XPO6: variants seen among roughly 807,000 people sequenced by gnomAD.
XPO6 encodes the protein exportin-6.
A neutral mutation model predicts 130.0 loss-of-function variants in XPO6; 3 were observed. The ratio of observed to expected loss-of-function variants is 0.02; its 90% CI spans 0.01 to 0.06. The LOEUF is 0.06. Among genes scored for constraint, XPO6 ranks in the 10% least tolerant of loss-of-function variants. The probability of loss-of-function intolerance (pLI) is 1.00; values close to 1 mark genes in which losing one functional copy is unlikely to be tolerated. For missense variants in XPO6, 970 were observed against 1,393.0 expected (o/e 0.70, Z 4.83); for synonymous variants, 524 against 548.9 (o/e 0.95, Z 0.63).
At chr16:28,139,540 A>C (rs1419934221) in intron 9 of XPO6, among the ~76,000 whole-genome samples, 2 of 152,190 alleles carry the variant, frequency 1.3e-5, no homozygotes, top group Non-Finnish European at 2.9e-5. Context: ...AGAGCTATAA[A>C]ATATGAATGA....
At chr16:28,182,039 C>G (rs571118429) in intron 1 of XPO6, among the ~76,000 whole-genome samples, 4 of 152,302 alleles carry the variant, frequency 2.6e-5, no homozygotes, top group South Asian at 2.1e-4. Flanking sequence ...ATTCCCAAAC[C>G]ATTTTTGAGT....
At chr16:28,127,897 G>A (rs762398364) in intron 12 of XPO6, among the ~76,000 whole-genome samples, 1 of 152,176 alleles carries the variant, frequency 6.6e-6, no homozygotes, top group Non-Finnish European at 1.5e-5. Context: ...ACTCCACAAG[G>A]ACAGCAGTGC....
intron 8 of XPO6, among the ~76,000 whole-genome samples, chr16:28,149,724 CA>C (rs1467983675): frequency 2.6e-5 from 4 of 152,160 alleles, no homozygotes; most frequent in African/African-American, 4.8e-5. Context: ...GATGTACACA[CA>C]ACGATGACAT....
chr16:28,111,514 T>A lies in XPO6; in HGVS notation c.2341+303A>T, dbSNP rs1469633344. On this transcript the variant is annotated intron_variant, in intron 17 of 23. Coordinates refer to ENST00000304658, the MANE Select transcript of XPO6 (RefSeq NM_015171.4). ...AAATAGATCAATAACCACCTTAAGA[T>A]GTATTTTATAGACAGAAGGCACCAT... 6 of 269,618 alleles carry A rather than the reference T, an allele frequency of 2.2e-5. No individual in the cohort carries two copies. In the Admixed American group the frequency reaches 2.9e-4, roughly 13 times the overall value. 16.7% of individuals were successfully genotyped at this position (269,618 alleles called of 1,614,324 possible).
chr16:28,196,504 T>A (rs906900250), intron 1 of XPO6, among the ~76,000 whole-genome samples: 2 of 152,176 alleles, frequency 1.3e-5, no homozygotes, highest in African/African-American at 4.8e-5. Context: ...TTACACAACA[T>A]GGTGAATGCA....
chr16:28,117,914 A>G (rs2141258807), intron 14 of XPO6, among the ~76,000 whole-genome samples: 1 of 152,330 alleles, frequency 6.6e-6, no homozygotes, highest in South Asian at 2.1e-4. Flanking sequence ...ACTGCACCAC[A>G]CATTCCACCT....
chr16:28,140,447 A>G (rs2042868982), intron 9 of XPO6, among the ~76,000 whole-genome samples: 1 of 152,166 alleles, frequency 6.6e-6, no homozygotes, highest in African/African-American at 2.4e-5. Context: ...TGGGAGGCCA[A>G]GGCGGGCGGA....
chr16:28,203,653 G>A lies in XPO6; in HGVS notation c.3+7713C>T, dbSNP rs770597215. On this transcript the variant is annotated intron_variant, in intron 1 of 23. Coordinates refer to ENST00000304658, the MANE Select transcript of XPO6 (RefSeq NM_015171.4). The stretch of plus-strand genomic sequence containing the variant: ...TCCTACCAAATCCAAATCACCAACT[G>A]ATTAAAACTTTCTACTACTCTCAAT... Among the ~76,000 whole-genome samples, 5 of 152,078 alleles carry A rather than the reference G, an allele frequency of 3.3e-5. 1 individual carries two copies. The highest frequency in any genetic ancestry group is 2.6e-4 in the Admixed American group (4 of 15,252).
At chr16:28,162,810 C>T (rs2043298117) in intron 6 of XPO6, among the ~76,000 whole-genome samples, 1 of 152,132 alleles carries the variant, frequency 6.6e-6, no homozygotes, top group Non-Finnish European at 1.5e-5. Flanking sequence ...CTCACCTCGG[C>T]CCCCCAAAGT....
chr16:28,187,897 G>A (rs1035750810), intron 1 of XPO6, among the ~76,000 whole-genome samples: 4 of 151,754 alleles, frequency 2.6e-5, no homozygotes, highest in Non-Finnish European at 5.9e-5. Flanking sequence ...CTGCTCACAC[G>A]CAGATTCAAT....
chr16:28,208,075 G>C (rs1410427298), intron 1 of XPO6, among the ~76,000 whole-genome samples: 1 of 152,166 alleles, frequency 6.6e-6, no homozygotes, highest in Non-Finnish European at 1.5e-5. Context: ...GAATCCAGGA[G>C]GCAGAGGTTG....
At chr16:28,169,604 G>T in intron 5 of XPO6, 146 bp downstream of exon 5, 1 of 946,224 alleles carries the variant, frequency 1.1e-6, no homozygotes, top group Non-Finnish European at 1.6e-6. Context: ...TAGACCCTGG[G>T]CTATAGGTGT....
intron 1 of XPO6, among the ~76,000 whole-genome samples, chr16:28,207,501 G>T (rs2044051984): frequency 6.6e-6 from 1 of 152,160 alleles, no homozygotes; most frequent in Non-Finnish European, 1.5e-5. Flanking sequence ...GTTATAGTAT[G>T]CTAGCTCTTC....
At chr16:28,178,430 A>G (rs1339190051) in intron 2 of XPO6, among the ~76,000 whole-genome samples, 1 of 151,262 alleles carries the variant, frequency 6.6e-6, no homozygotes, top group Non-Finnish European at 1.5e-5. Flanking sequence ...TTAACTAGAT[A>G]TGGTGGTAAG....
intron 7 of XPO6, chr16:28,153,928 A>C (rs2043139015): frequency 1.0e-6 from 1 of 985,310 alleles, no homozygotes; most frequent in African/African-American, 1.7e-5. Flanking sequence ...GAGGGTGGCC[A>C]GCCTGCCTGC....
rs975296848 is a variant in XPO6, at chr16:28,117,381, C to T, written c.1941G>A (p.Thr647=). ...QYCSEVHRQN[T]QQFVTLISTT... ...TAGAGATGAGTGTCACGAACTGCTG[C>T]GTGTTCTGCCGGTGAACTTCACTGC... Residue 647 remains threonine (T), a synonymous_variant, in exon 15 of 24, where the codon ACG becomes ACA. Transcript: ENST00000304658. The T allele has an allele frequency of 1.2e-6, 2 of 1,614,196 alleles. No homozygotes were observed. The highest frequency in any genetic ancestry group is 1.7e-6 in the Non-Finnish European group (2 of 1,180,040).
Position 28,117,395 on chromosome 16 carries a change from G to A in XPO6, c.1927C>T (p.His643Tyr). 3 of 1,614,206 alleles carry A rather than the reference G, an allele frequency of 1.9e-6. No homozygotes were observed. The highest frequency in any genetic ancestry group is 2.5e-6 in the Non-Finnish European group (3 of 1,180,030). Residue 643 changes from histidine (H) to tyrosine (Y), a missense_variant, in exon 15 of 24, where the codon CAC becomes TAC. By Grantham distance (83) the His-to-Tyr change is moderately conservative (BLOSUM62 2). This residue lies in a region of XPO6 where 936 missense variants were observed against 1,306.8 expected (regional missense o/e 0.72). Transcript: ENST00000304658. ...ACGAACTGCTGCGTGTTCTGCCGGT[G>A]AACTTCACTGCAATACTGTGCTAAC... ...HWLAQYCSEVHRQNTQQFVTL... is the reference protein window; with the variant it reads ...HWLAQYCSEVYRQNTQQFVTL...
intron 1 of XPO6, among the ~76,000 whole-genome samples, chr16:28,185,619 T>G (rs1258676232): frequency 6.6e-6 from 1 of 152,212 alleles, no homozygotes; most frequent in African/African-American, 2.4e-5. Context: ...GAAACTGTAT[T>G]TTAGCTCTAT....
chr16:28,106,326 C>T lies in XPO6; in HGVS notation c.2612+57G>A, dbSNP rs2141236979. 1 of 1,607,332 alleles carries T rather than the reference C, an allele frequency of 6.2e-7. No homozygotes were observed. The highest frequency in any genetic ancestry group is 8.5e-7 in the Non-Finnish European group (1 of 1,174,334). On this transcript the variant is annotated intron_variant, in intron 19 of 23. Transcript: ENST00000304658. The surrounding 1 kb of genome is among the most constrained non-coding windows in gnomAD (Gnocchi z 4.2). ...GGAGCAAAAAGCCACACTTTGTCGC[C>T]AGACCCACCACTTCTCCCTTGAATC...
Sources: gnomAD v4.1 joint callset for allele counts (sites outside exome capture counted in the v4.1 genomes callset) on GRCh38, gnomAD v4.1.1 for gene constraint, gnomAD v4.1.1 regional missense constraint, Gnocchi (gnomAD v3.1) non-coding constraint, MANE v1.5 for transcripts, NCBI Gene and HGNC (gene_info 2026-07-23, HGNC 2026-07-21) for gene names.